Variants in DLC1 observed in about 807,000 individuals in gnomAD.
DLC1 encodes rho GTPase-activating protein 7.
DLC1 carries 54 observed loss-of-function variants against 140.3 expected under a neutral mutation model. That is an observed-to-expected ratio of 0.38 (90% CI 0.31 to 0.48). The LOEUF (loss-of-function observed/expected upper bound fraction) is 0.48. DLC1 is among the 20% of genes least tolerant of loss of function. The probability of loss-of-function intolerance (pLI) is 0.96; values close to 1 mark genes in which losing one functional copy is unlikely to be tolerated. For synonymous variants in DLC1, 986 were observed against 728.1 expected (o/e 1.35, Z -5.70); for missense variants, 2,536 against 1,907.0 (o/e 1.33, Z -6.14).
At chr8:13,157,642 G>C (rs1016717798) in intron 5 of DLC1, among the ~76,000 whole-genome samples, 10 of 152,194 alleles carry the variant, frequency 6.6e-5, no homozygotes, top group African/African-American at 2.4e-4. Context: ...TGTCGGGGCA[G>C]AGGTCTAAAA....
intron 5 of DLC1, among the ~76,000 whole-genome samples, chr8:13,186,046 G>C (rs559860851): frequency 6.6e-6 from 1 of 152,222 alleles, no homozygotes; most frequent in South Asian, 2.1e-4. Flanking sequence ...TCCCTTTGTG[G>C]GCAACCCGAC....
At chr8:13,375,509 C>T (rs1835935476) in intron 4 of DLC1, among the ~76,000 whole-genome samples, 2 of 152,088 alleles carry the variant, frequency 1.3e-5, no homozygotes, top group South Asian at 4.2e-4. Context: ...TTTCTTTCTC[C>T]TGCCTGAATG....
chr8:13,195,091 G>A (rs75424439), intron 5 of DLC1, among the ~76,000 whole-genome samples: 2,522 of 152,270 alleles, frequency 0.017, 65 homozygotes, highest in African/African-American at 0.058. Flanking sequence ...AAATTACTGA[G>A]CATGGTTTTT....
chr8:13,393,866 G>C (rs1836887870), intron 3 of DLC1, among the ~76,000 whole-genome samples, 173 bp from the exon 4 acceptor site: 1 of 152,198 alleles, frequency 6.6e-6, no homozygotes, highest in South Asian at 2.1e-4. Context: ...TATTTGGTAA[G>C]AACCATTGTA....
intron 1 of DLC1, among the ~76,000 whole-genome samples, chr8:13,523,169 A>T (rs2117288867): frequency 6.6e-6 from 1 of 152,340 alleles, no homozygotes; most frequent in South Asian, 2.1e-4. Flanking sequence ...GAGCCAAAGT[A>T]GGGAGACCAG....
At chr8:13,310,911 GA>G (rs1370514066) in intron 4 of DLC1, among the ~76,000 whole-genome samples, 1 of 152,008 alleles carries the variant, frequency 6.6e-6, no homozygotes, top group Non-Finnish European at 1.5e-5. Flanking sequence ...ACCACCTTCA[GA>G]ATTTTTACTA....
intron 5 of DLC1, among the ~76,000 whole-genome samples, chr8:13,159,826 T>A (rs1305992959): frequency 7.0e-6 from 1 of 142,070 alleles, no homozygotes; most frequent in African/African-American, 2.6e-5. Flanking sequence ...AGGTAAGGGA[T>A]GGATGGAGGC....
intron 4 of DLC1, among the ~76,000 whole-genome samples, chr8:13,333,739 T>A (rs902320012): frequency 6.6e-6 from 1 of 152,204 alleles, no homozygotes. Context: ...GTTCCCTAAA[T>A]GGTTTCAAAT....
chr8:13,308,690 A>G (rs7830226), intron 4 of DLC1, among the ~76,000 whole-genome samples: 12,429 of 152,222 alleles, frequency 0.082, 910 homozygotes, highest in East Asian at 0.38. Context: ...AGTTCCAAAA[A>G]AGGCAAAGAA....
chr8:13,536,576 G>C (rs1393552825), intron 1 of DLC1, among the ~76,000 whole-genome samples: 2 of 152,126 alleles, frequency 1.3e-5, no homozygotes, highest in Non-Finnish European at 2.9e-5. Context: ...CTGAGGCTCT[G>C]AGAGGTTAAA....
At chr8:13,368,032 C>A (rs1261938088) in intron 4 of DLC1, among the ~76,000 whole-genome samples, 1 of 152,154 alleles carries the variant, frequency 6.6e-6, no homozygotes, top group Non-Finnish European at 1.5e-5. Flanking sequence ...TGGTGAAGTT[C>A]TGTGTTTAAA....
At chr8:13,121,747 C>G (rs545143485) in intron 5 of DLC1, among the ~76,000 whole-genome samples, 3 of 152,116 alleles carry the variant, frequency 2.0e-5, no homozygotes, top group Admixed American at 6.5e-5. Flanking sequence ...GAGACAGAGT[C>G]TCGCTATGTT....
chr8:13,084,564 C>CTATT lies in DLC1; in HGVS notation c.*1243_*1246dup, dbSNP rs1817400922. 1 of 147,276 alleles carries CTATT rather than the reference C, an allele frequency of 6.8e-6. No homozygotes were observed. Among genetic ancestry groups the CTATT allele is most frequent in the South Asian group, 2.1e-4 (1 of 4,712 alleles). 9.1% of individuals were successfully genotyped at this position (147,276 alleles called of 1,614,324 possible). ...TTCTTGTTGCGTTTTACTATGATTACTATTTTTCATTACCACTTAAATATA... is the reference window on the plus strand; with the variant it reads ...TTCTTGTTGCGTTTTACTATGATTACTATTTATTTTTCATTACCACTTAAATATA... On this transcript the variant is annotated 3_prime_UTR_variant, in exon 18 of 18. Coordinates refer to ENST00000276297, the MANE Select transcript of DLC1 (RefSeq NM_182643.3).
chr8:13,533,676 A>C (rs1803176023), intron 1 of DLC1, among the ~76,000 whole-genome samples: 1 of 152,148 alleles, frequency 6.6e-6, no homozygotes, highest in Non-Finnish European at 1.5e-5. Flanking sequence ...CTCCATCATA[A>C]TTACTTTATA....
chr8:13,419,424 A>AG (rs529004977), intron 2 of DLC1, among the ~76,000 whole-genome samples: 6 of 152,242 alleles, frequency 3.9e-5, no homozygotes, highest in African/African-American at 7.2e-5. Context: ...TTTAGCATGA[A>AG]GGTTGTTGAA....
chr8:13,463,178 G>A (rs550151514), intron 2 of DLC1, among the ~76,000 whole-genome samples: 1 of 151,790 alleles, frequency 6.6e-6, no homozygotes, highest in African/African-American at 2.4e-5. Context: ...CTACACAACA[G>A]ACTTACCTAT....
upstream of DLC1, chr8:13,515,518 C>G (rs117952554): frequency 1.3e-5 from 2 of 152,348 alleles, no homozygotes; most frequent in Non-Finnish European, 2.9e-5. Flanking sequence ...CAGGCTCCAT[C>G]TTGATCGTAT....
intron 10 of DLC1, among the ~76,000 whole-genome samples, chr8:13,098,034 G>GAAAAAAAAAAAAAAA (rs35785512): frequency 1.5e-5 from 1 of 68,420 alleles, no homozygotes; most frequent in Non-Finnish European, 2.6e-5. Flanking sequence ...AAGGAAAAAA[G>GAAAAAAAAAAAAAAA]AAAAAAAAAA....
At chr8:13,142,600 CTACA>C in intron 5 of DLC1, among the ~76,000 whole-genome samples, 1 of 152,098 alleles carries the variant, frequency 6.6e-6, no homozygotes, top group East Asian at 1.9e-4. Context: ...ATTAGGATAA[CTACA>C]TATTTATGAG....
Sources: allele counts gnomAD v4.1 joint callset (sites outside exome capture counted in the v4.1 genomes callset), GRCh38; gene constraint gnomAD v4.1.1; transcripts MANE v1.5; gene names NCBI Gene and HGNC (gene_info 2026-07-23, HGNC 2026-07-21).